ZNF628: variants seen among roughly 807,000 people sequenced by gnomAD.
The protein encoded by ZNF628 is zinc finger protein 628.
ZNF628 carries 3 observed loss-of-function variants against 2.5 expected under a neutral mutation model. That is an observed-to-expected ratio of 1.19 (90% confidence interval 0.54 to 3.07). The LOEUF is 3.07. Ranked by LOEUF, ZNF628 falls within the 30% of genes most tolerant of loss-of-function variation. The pLI, the probability that ZNF628 is intolerant of heterozygous loss-of-function variation, is 0.03. For missense variants in ZNF628, 1,610 were observed against 1,517.1 expected, an observed-to-expected ratio of 1.06 and a Z score of -1.02; for synonymous variants, 861 against 717.1, an observed-to-expected ratio of 1.20 and a Z score of -3.21.
At chr19:55,478,070 A>C (rs1986605816) in intron 1 of ZNF628, among the ~76,000 whole-genome samples, 1 of 152,130 alleles carries the variant, frequency 6.6e-6, no homozygotes, top group Admixed American at 6.6e-5. Flanking sequence ...AGCTTTGTGG[A>C]CAGCGTAGAG....
chr19:55,478,636 A>C (rs1986621896), intron 1 of ZNF628, among the ~76,000 whole-genome samples: 3 of 152,262 alleles, frequency 2.0e-5, no homozygotes, highest in Admixed American at 6.5e-5. Context: ...TATTGGGAAC[A>C]GACGGGTGGG....
Position 55,482,091 on chromosome 19 carries a change from T to C in ZNF628, c.898T>C (p.Cys300Arg). The change falls in exon 3 of 3, where the codon TGC becomes CGC. Residue 300 changes from cysteine (C) to arginine (R), a missense_variant. Transcript: ENST00000598519. ...TVELVYRCDG[C>R]EQGFSSEELL... ...GGAGCTGGTGTACCGCTGCGATGGCTGCGAGCAGGGATTCAGCAGCGAGGA... is the reference window on the plus strand; with the variant it reads ...GGAGCTGGTGTACCGCTGCGATGGCCGCGAGCAGGGATTCAGCAGCGAGGA... The C allele has an allele frequency of 1.3e-6, 2 of 1,505,358 alleles. No individual in the cohort carries two copies. Among genetic ancestry groups the C allele is most frequent in the South Asian group, 1.2e-5 (1 of 82,802 alleles). 93.3% of individuals were successfully genotyped at this position (1,505,358 alleles called of 1,614,324 possible). A position where few individuals can be genotyped will look rare whatever the true frequency, so the allele number is the denominator to read the frequency against.
intron 1 of ZNF628, among the ~76,000 whole-genome samples, chr19:55,477,927 G>A (rs981354126): frequency 6.6e-6 from 1 of 152,156 alleles, no homozygotes; most frequent in African/African-American, 2.4e-5. Context: ...CTATTTTCCC[G>A]GCGTTGACAT....
intron 2 of ZNF628, among the ~76,000 whole-genome samples, chr19:55,480,249 C>CTTTTT (rs35704154): frequency 2.3e-5 from 3 of 128,220 alleles, no homozygotes; most frequent in Non-Finnish European, 4.7e-5. Flanking sequence ...TTTTTTTTTC[C>CTTTTT]TTTTTTTTTT....
chr19:55,481,496 C>T lies in ZNF628; in HGVS notation c.303C>T (p.Phe101=), dbSNP rs2123411108. The T allele has an allele frequency of 6.2e-7, 1 of 1,613,120 alleles. No homozygotes were observed. The highest frequency in any genetic ancestry group is 2.2e-5 in the East Asian group (1 of 44,874). ...PYQCPDCPKA[F]KRSSLLQIHR... is the part of the protein sequence containing the mutation. Reference sequence around the variant, plus strand: ...AGTGCCCCGACTGTCCCAAGGCCTTCAAGCGCTCCTCTCTGCTGCAGATCC... The same window carrying T: ...AGTGCCCCGACTGTCCCAAGGCCTTTAAGCGCTCCTCTCTGCTGCAGATCC... The change falls in exon 3 of 3, where the codon TTC becomes TTT. Residue 101 remains phenylalanine (F), a synonymous_variant. Coordinates refer to ENST00000598519, the MANE Select transcript of ZNF628 (RefSeq NM_033113.3).
In ZNF628 at chr19:55,481,266, C is replaced by A; in HGVS notation, c.73C>A (p.Pro25Thr). 6.3e-7 allele frequency: 1 copy of A among 1,591,242 alleles called. No individual in the cohort carries two copies. Among genetic ancestry groups the A allele is most frequent in the East Asian group, 2.3e-5 (1 of 43,716 alleles). ...ASTAEGAGEK[P>T]GPAAPAPAAQ... ...TACTGCGGAGGGGGCCGGGGAGAAG[C>A]CAGGCCCTGCGGCCCCTGCCCCGGC... Residue 25 changes from proline to threonine, a missense_variant, in exon 3 of 3, where the codon CCA becomes ACA. Pro to Thr is a conservative substitution (Grantham distance 38). Coordinates refer to ENST00000598519, the MANE Select transcript of ZNF628 (RefSeq NM_033113.3).
rs1442169777 is a variant in ZNF628 at position 55,479,277 on chromosome 19, C to T, written c.-77-557C>T. Among the ~76,000 whole-genome samples, 5 of 152,116 alleles carry T rather than the reference C, an allele frequency of 3.3e-5. No homozygotes were observed. Among genetic ancestry groups the T allele is most frequent in the South Asian group, 2.1e-4 (1 of 4,826 alleles). ...GACAAGTGGGCCATTGCGGGCCACGCGCCGCCCAGGCCATGGAGTGGGGGC... is the reference window on the plus strand; with the variant it reads ...GACAAGTGGGCCATTGCGGGCCACGTGCCGCCCAGGCCATGGAGTGGGGGC... On this transcript the variant is annotated intron_variant, in intron 1 of 2. Transcript: ENST00000598519. The surrounding 1 kb of genome is among the most constrained non-coding windows in gnomAD (Gnocchi z 5.1).
At chr19:55,478,814 G>A (rs1280017253) in intron 1 of ZNF628, among the ~76,000 whole-genome samples, 1 of 152,194 alleles carries the variant, frequency 6.6e-6, no homozygotes, top group Non-Finnish European at 1.5e-5. Context: ...AGAGAGAGGA[G>A]GCGAGGAGCC....
In ZNF628 at chr19:55,482,868, G is replaced by C; in HGVS notation, c.1675G>C (p.Val559Leu). 6.2e-7 allele frequency: 1 copy of C among 1,602,618 alleles called. No individual in the cohort carries two copies. Among genetic ancestry groups the C allele is most frequent in the Non-Finnish European group, 8.5e-7 (1 of 1,172,918 alleles). ...NTSCLRRHRHVHTGERPHACG... is the reference protein window; with the variant it reads ...NTSCLRRHRHLHTGERPHACG... Reference sequence around the variant, plus strand: ...GTCGTGCCTGCGTCGCCACCGCCACGTGCACACTGGCGAGAGGCCCCACGC... The same window carrying C: ...GTCGTGCCTGCGTCGCCACCGCCACCTGCACACTGGCGAGAGGCCCCACGC... The change falls in exon 3 of 3, where the codon GTG (valine) becomes CTG (leucine). Residue 559 changes from valine to leucine, a missense_variant. Transcript: ENST00000598519.
chr19:55,477,687 G>A (rs988286046), intron 1 of ZNF628, among the ~76,000 whole-genome samples: 2 of 151,922 alleles, frequency 1.3e-5, no homozygotes, highest in East Asian at 3.9e-4. Flanking sequence ...GCTTGAAGCC[G>A]GGAGGCGAAG....
chr19:55,484,359 G>T lies in ZNF628; in HGVS notation c.3166G>T (p.Val1056Leu). 6.9e-7 allele frequency: 1 copy of T among 1,452,932 alleles called. No individual in the cohort carries two copies. Among genetic ancestry groups the T allele is most frequent in the Non-Finnish European group, 9.1e-7 (1 of 1,099,290 alleles). 90.0% of individuals were successfully genotyped at this position (1,452,932 alleles called of 1,614,324 possible). A position where few individuals can be genotyped will look rare whatever the true frequency, so the allele number is the denominator to read the frequency against. The change falls in exon 3 of 3, where the codon GTG becomes TTG. Residue 1056 changes from valine (V) to leucine (L), a missense_variant. Around this residue, in one of 5 missense-constraint regions of ZNF628, gnomAD observed 712 missense variants for 603.6 expected, o/e 1.18. Transcript: ENST00000598519. The part of the protein sequence containing the change: ...IVQTLPAVQL[V>L]HTF ...CCAGACTCTACCCGCAGTCCAGCTG[G>T]TGCACACGTTTTGAGGAGAGGCAGT...
intron 1 of ZNF628, among the ~76,000 whole-genome samples, chr19:55,477,027 C>T (rs1349122659): frequency 2.0e-5 from 3 of 152,244 alleles, no homozygotes; most frequent in Non-Finnish European, 2.9e-5. Flanking sequence ...CAGAAGCTTT[C>T]TGACTTAAAA....
chr19:55,479,810 G>A lies in ZNF628; in HGVS notation c.-77-24G>A, dbSNP rs923555895. The A allele has an allele frequency of 4.8e-5, 19 of 398,162 alleles. No homozygotes were observed. The highest frequency in any genetic ancestry group is 1.9e-4 in the African/African-American group (9 of 48,598). 24.7% of individuals were successfully genotyped at this position (398,162 alleles called of 1,614,324 possible). A position where few individuals can be genotyped will look rare whatever the true frequency, so the allele number is the denominator to read the frequency against. On this transcript the variant is annotated intron_variant, in intron 1 of 2. Coordinates refer to ENST00000598519, the MANE Select transcript of ZNF628 (RefSeq NM_033113.3). This position sits in a 1 kb window ranked among gnomAD's most constrained non-coding sequence, Gnocchi z 5.1. The stretch of plus-strand genomic sequence containing the variant: ...GTGGTCAGAATGTGAGAAACTTCGC[G>A]TCTGATTGCTTTTATTTTCACAGAG...
rs776076271 is a variant in ZNF628, at chr19:55,483,528, C to T, written c.2335C>T (p.Pro779Ser). 45 of 1,569,764 alleles carry T rather than the reference C, an allele frequency of 2.9e-5. No individual in the cohort carries two copies. The highest frequency in any genetic ancestry group is 3.7e-5 in the Non-Finnish European group (43 of 1,156,352). The change falls in exon 3 of 3, where the codon CCT becomes TCT. Residue 779 changes from proline (P) to serine (S), a missense_variant. Around this residue, in one of 5 missense-constraint regions of ZNF628, gnomAD observed 712 missense variants for 603.6 expected, o/e 1.18. Coordinates refer to ENST00000598519, the MANE Select transcript of ZNF628 (RefSeq NM_033113.3). ...QGAGVVWLPG[P>S]GGLGVQGAAS... ...GGCGGGAGTGGTCTGGCTGCCAGGC[C>T]CTGGGGGTCTAGGGGTGCAGGGAGC... is the stretch of plus-strand genomic sequence containing the variant.
In ZNF628 at chr19:55,483,128, C is replaced by T. The variant is rs1254574463; in HGVS notation, c.1935C>T (p.Ala645=). 3 of 1,591,724 alleles carry T rather than the reference C, an allele frequency of 1.9e-6. No individual in the cohort carries two copies. The highest frequency in any genetic ancestry group is 2.6e-6 in the Non-Finnish European group (3 of 1,174,604). Reference sequence around the variant, plus strand: ...TGCAGCGGCACCTGAGGACGCACGCCCCGGCCAACACGCCTCCCAGCACCA... The same window carrying T: ...TGCAGCGGCACCTGAGGACGCACGCTCCGGCCAACACGCCTCCCAGCACCA... ...AYLQRHLRTH[A]PANTPPSTTA... The change falls in exon 3 of 3, where the codon GCC becomes GCT. Residue 645 remains alanine, a synonymous_variant. Transcript: ENST00000598519.
In ZNF628 at chr19:55,484,447, C is replaced by T. The variant is rs913946954; in HGVS notation, c.*74C>T. ...TGCCAGCCGGGGCGGGGCAGGGTGC[C>T]GCAGGCTGGGCTTGCTAATAAAGAC... On this transcript the variant is annotated 3_prime_UTR_variant, in exon 3 of 3. Transcript: ENST00000598519. The T allele has an allele frequency of 1.5e-6, 2 of 1,324,072 alleles. No individual in the cohort carries two copies. The highest frequency in any genetic ancestry group is 2.7e-5 in the East Asian group (1 of 37,080). 82.0% of individuals were successfully genotyped at this position (1,324,072 alleles called of 1,614,324 possible). A position where few individuals can be genotyped will look rare whatever the true frequency, so the allele number is the denominator to read the frequency against.
In ZNF628 at chr19:55,482,055, G is replaced by A; in HGVS notation, c.862G>A (p.Glu288Lys). The A allele has an allele frequency of 6.7e-7, 1 of 1,498,870 alleles. No homozygotes were observed. 92.8% of individuals were successfully genotyped at this position (1,498,870 alleles called of 1,614,324 possible). Residue 288 changes from glutamate (E) to lysine (K), a missense_variant, in exon 3 of 3, where the codon GAG (glutamate) becomes AAG (lysine). This residue lies in a region of ZNF628 where 651 missense variants were observed against 575.6 expected (regional missense o/e 1.13). Coordinates refer to ENST00000598519, the MANE Select transcript of ZNF628 (RefSeq NM_033113.3). ...GCCTGAGCTCTTTTTGGCGGCGGCG[G>A]AGACCACGGTGGAGCTGGTGTACCG... ...VVPELFLAAAETTVELVYRCD... is the reference protein window; with the variant it reads ...VVPELFLAAAKTTVELVYRCD...
rs747080941 is a variant in ZNF628 at position 55,481,733 on chromosome 19, C to A, written c.540C>A (p.Val180=). 1.9e-6 allele frequency: 3 copies of A among 1,612,142 alleles called. No individual in the cohort carries two copies. The highest frequency in any genetic ancestry group is 1.7e-5 in the Admixed American group (1 of 59,852). Residue 180 remains valine (V), a synonymous_variant, in exon 3 of 3, where the codon GTC becomes GTA. Transcript: ENST00000598519. ...GCGAGCGGCCCTACACCTGTGGAGT[C>A]TGCGGGAAGAGCTTCACGCAGAGCA... The part of the protein sequence containing the change: ...HTGERPYTCG[V]CGKSFTQSTN...
In ZNF628 at chr19:55,482,358, G is replaced by C. The variant is rs1484176951; in HGVS notation, c.1165G>C (p.Gly389Arg). The C allele has an allele frequency of 6.9e-7, 1 of 1,441,414 alleles. No homozygotes were observed. Among genetic ancestry groups the C allele is most frequent in the Non-Finnish European group, 9.1e-7 (1 of 1,101,710 alleles). 89.3% of individuals were successfully genotyped at this position (1,441,414 alleles called of 1,614,324 possible). ...TGCCGGCGGGCAAGCGTTCCGCTGCGGCAGCTGCGACGGCTCCTTCCCGCA... is the reference window on the plus strand; with the variant it reads ...TGCCGGCGGGCAAGCGTTCCGCTGCCGCAGCTGCGACGGCTCCTTCCCGCA... Reference protein sequence around the residue: ...GAAGGQAFRCGSCDGSFPQLA... With the variant: ...GAAGGQAFRCRSCDGSFPQLA... Residue 389 changes from glycine to arginine, a missense_variant, in exon 3 of 3, where the codon GGC (glycine) becomes CGC (arginine). Gly to Arg is a moderately radical substitution (Grantham distance 125). This residue lies in a region of ZNF628 where 651 missense variants were observed against 575.6 expected (regional missense o/e 1.13). Transcript: ENST00000598519.
Sources: gnomAD v4.1 joint callset for allele counts (sites outside exome capture counted in the v4.1 genomes callset) on GRCh38, gnomAD v4.1.1 for gene constraint, gnomAD v4.1.1 regional missense constraint, Gnocchi (gnomAD v3.1) non-coding constraint, MANE v1.5 for transcripts, NCBI Gene and HGNC (gene_info 2026-07-23, HGNC 2026-07-21) for gene names.